MYO18B: variants seen among roughly 807,000 people sequenced by gnomAD.
MYO18B encodes the protein myosin XVIIIB.
MYO18B carries 204 observed loss-of-function variants against 273.0 expected under a neutral mutation model. The observed-to-expected ratio is 0.75, with a 90% CI of 0.67 to 0.84. The LOEUF (loss-of-function observed/expected upper bound fraction) is 0.84. MYO18B is among the 40% of genes least tolerant of loss of function. The pLI is 0.00. For synonymous variants in MYO18B, 1,330 were observed against 1,305.7 expected (o/e 1.02, Z -0.40); for missense variants, 3,212 against 3,287.6 (o/e 0.98, Z 0.56).
At chr22:26,060,674 T>C in the MYO18B span, among the ~76,000 whole-genome samples, 1 of 152,110 alleles carries the variant, frequency 6.6e-6, no homozygotes, top group East Asian at 1.9e-4. Flanking sequence ...TACGCACACA[T>C]GCACACTACA....
the MYO18B span, among the ~76,000 whole-genome samples, chr22:26,036,419 A>C: frequency 6.6e-6 from 1 of 152,166 alleles, no homozygotes; most frequent in Non-Finnish European, 1.5e-5. Flanking sequence ...CATCACTTCT[A>C]AGAGACAGTG....
chr22:25,937,348 A>T (rs1601621865), intron 34 of MYO18B, among the ~76,000 whole-genome samples: 1 of 151,992 alleles, frequency 6.6e-6, no homozygotes, highest in Non-Finnish European at 1.5e-5. Context: ...CCTCCCAAAG[A>T]TCTGGGATTA....
chr22:26,055,632 A>G, the MYO18B span, among the ~76,000 whole-genome samples: 1 of 152,350 alleles, frequency 6.6e-6, no homozygotes, highest in East Asian at 1.9e-4. Context: ...CTGGTTTATC[A>G]TGAGGCAAGA....
chr22:25,966,596 C>T (rs557185234), intron 39 of MYO18B, among the ~76,000 whole-genome samples: 1 of 152,266 alleles, frequency 6.6e-6, no homozygotes, highest in Admixed American at 6.5e-5. Context: ...CAAAATGACC[C>T]AACACGCTTA....
At position 25,877,857 on chromosome 22, in the gene MYO18B, A is replaced by G. The variant is rs928237058; in HGVS notation, c.4225-102A>G. On this transcript the variant is annotated intron_variant, in intron 24 of 43. Transcript: ENST00000335473. ...TCTGTGCAATAGATTGCTAAGGTTT[A>G]TTCCTCCTAACGGAAACTTTGTGCC... 26 of 802,082 alleles carry G rather than the reference A, an allele frequency of 3.2e-5. No individual in the cohort carries two copies. In the African/African-American group the frequency reaches 4.3e-4, roughly 13 times the overall value. 49.7% of individuals were successfully genotyped at this position (802,082 alleles called of 1,614,324 possible). A position where few individuals can be genotyped will look rare whatever the true frequency, so the allele number is the denominator to read the frequency against.
intron 21 of MYO18B, among the ~76,000 whole-genome samples, chr22:25,855,196 T>C (rs1393355428): frequency 6.6e-6 from 1 of 152,048 alleles, no homozygotes; most frequent in African/African-American, 2.4e-5. Flanking sequence ...TGAGAACATG[T>C]GGTATTTGGT....
At chr22:25,744,849 A>G (rs1244343030) in intron 1 of MYO18B, among the ~76,000 whole-genome samples, 2 of 152,108 alleles carry the variant, frequency 1.3e-5, no homozygotes, top group South Asian at 2.1e-4. Flanking sequence ...GCCAAATCCA[A>G]CCCCTCCTGT....
At chr22:25,868,548 C>T (rs995700370) in intron 22 of MYO18B, among the ~76,000 whole-genome samples, 163 bp downstream of exon 22, 1 of 152,190 alleles carries the variant, frequency 6.6e-6, no homozygotes, top group African/African-American at 2.4e-5. Flanking sequence ...TTACAAGGTC[C>T]TGGAGAGACA....
the MYO18B span, among the ~76,000 whole-genome samples, chr22:26,057,524 CT>C: frequency 0.1 from 13,748 of 136,940 alleles, 935 homozygotes; most frequent in African/African-American, 0.21. Context: ...TGCAAAGTCA[CT>C]TTTTTTTTTT....
chr22:25,754,194 G>A (rs2086035525), intron 1 of MYO18B, among the ~76,000 whole-genome samples: 1 of 152,168 alleles, frequency 6.6e-6, no homozygotes, highest in Non-Finnish European at 1.5e-5. Flanking sequence ...TAGGGAGTGA[G>A]CACAGGCACA....
chr22:25,865,252 C>T (rs993672901), intron 21 of MYO18B, among the ~76,000 whole-genome samples: 1 of 152,228 alleles, frequency 6.6e-6, no homozygotes, highest in Non-Finnish European at 1.5e-5. Context: ...CTTACCCACT[C>T]ATGCCACTGT....
At chr22:26,018,845 G>A (rs1935581826) in intron 42 of MYO18B, among the ~76,000 whole-genome samples, 1 of 152,044 alleles carries the variant, frequency 6.6e-6, no homozygotes, top group Non-Finnish European at 1.5e-5. Context: ...AATCCCAGCT[G>A]CTTGGGAGGC....
chr22:26,018,236 C>T (rs975753895), intron 42 of MYO18B, among the ~76,000 whole-genome samples: 1 of 152,100 alleles, frequency 6.6e-6, no homozygotes, highest in Non-Finnish European at 1.5e-5. Context: ...GCCTTGAGAG[C>T]GACCTTGTCT....
At chr22:25,827,322 A>G (rs2089531529) in intron 14 of MYO18B, among the ~76,000 whole-genome samples, 1 of 152,140 alleles carries the variant, frequency 6.6e-6, no homozygotes, top group Non-Finnish European at 1.5e-5. Context: ...CATTGCTCTC[A>G]TCCATTTATT....
intron 1 of MYO18B, among the ~76,000 whole-genome samples, chr22:25,754,088 C>T (rs149214691): frequency 1.3e-4 from 20 of 152,270 alleles, no homozygotes; most frequent in Non-Finnish European, 2.6e-4. Flanking sequence ...CTAAGGACTA[C>T]AGTAAGTGAA....
chr22:25,820,939 T>C (rs1172861235), intron 12 of MYO18B, among the ~76,000 whole-genome samples: 4 of 152,238 alleles, frequency 2.6e-5, no homozygotes. Context: ...GATATTTGTC[T>C]TTCTGTGCCT....
At chr22:25,921,720 G>GTA (rs1777990199) in intron 34 of MYO18B, among the ~76,000 whole-genome samples, 2 of 59,780 alleles carry the variant, frequency 3.3e-5, no homozygotes, top group African/African-American at 7.1e-5. Context: ...GTGTGTGTGT[G>GTA]TGTGTGTGTG....
chr22:26,006,735 G>T (rs938624004), intron 42 of MYO18B, among the ~76,000 whole-genome samples: 1 of 152,086 alleles, frequency 6.6e-6, no homozygotes, highest in Non-Finnish European at 1.5e-5. Context: ...TTCCTCCCGA[G>T]TAAATCATGA....
chr22:25,800,567 C>G (rs2088147862), intron 12 of MYO18B, among the ~76,000 whole-genome samples: 2 of 152,198 alleles, frequency 1.3e-5, no homozygotes, highest in Non-Finnish European at 2.9e-5. Flanking sequence ...GTATAAGGTG[C>G]ATGAAGGAGT....
Sources: allele counts gnomAD v4.1 joint callset (sites outside exome capture counted in the v4.1 genomes callset), GRCh38; gene constraint gnomAD v4.1.1; transcripts MANE v1.5; gene names NCBI Gene and HGNC (gene_info 2026-07-23, HGNC 2026-07-21).